CMIP: variants seen among roughly 807,000 people sequenced by gnomAD.
CMIP encodes c-Maf inducing protein.
A neutral mutation model predicts 97.3 loss-of-function variants in CMIP; 13 were observed. The observed-to-expected ratio is 0.13, with a 90% CI of 0.09 to 0.21. The LOEUF (loss-of-function observed/expected upper bound fraction) is 0.21, where lower values mean the gene tolerates loss of function less well. Ranked by LOEUF, CMIP falls within the 10% of genes least tolerant of loss-of-function variation. The pLI is 1.00. For missense variants in CMIP, 847 were observed against 1,024.9 expected, an observed-to-expected ratio of 0.83 and a Z score of 2.37; for synonymous variants, 538 against 436.3, an observed-to-expected ratio of 1.23 and a Z score of -2.91.
intron 1 of CMIP, among the ~76,000 whole-genome samples, chr16:81,489,312 G>C (rs1190927541): frequency 6.6e-6 from 1 of 152,182 alleles, no homozygotes; most frequent in African/African-American, 2.4e-5. Context: ...GAGTTGGTGG[G>C]TGAAGAGGGG....
intron 1 of CMIP, among the ~76,000 whole-genome samples, chr16:81,511,293 TA>T (rs1430760116): frequency 1.3e-5 from 2 of 152,242 alleles, no homozygotes; most frequent in Non-Finnish European, 2.9e-5. Flanking sequence ...CCTAAGAAAC[TA>T]ACAATAATTC....
At chr16:81,505,306 A>AAAAGGAGAGAACT (rs1006498434) in intron 1 of CMIP, among the ~76,000 whole-genome samples, 2 of 152,172 alleles carry the variant, frequency 1.3e-5, no homozygotes, top group African/African-American at 4.8e-5. Context: ...TGTGTTCTGA[A>AAAAGGAGAGAACT]AAAGGAGAGA....
chr16:81,503,542 A>G (rs910403611), intron 1 of CMIP, among the ~76,000 whole-genome samples: 9 of 152,114 alleles, frequency 5.9e-5, no homozygotes, highest in Admixed American at 2.0e-4. Flanking sequence ...GACCATAGAT[A>G]CATGCCACTG....
At chr16:81,529,983 A>G (rs974223348) in intron 1 of CMIP, among the ~76,000 whole-genome samples, 1 of 152,222 alleles carries the variant, frequency 6.6e-6, no homozygotes, top group Non-Finnish European at 1.5e-5. Flanking sequence ...GGGACATCTG[A>G]AAACCTTTGT....
intron 1 of CMIP, among the ~76,000 whole-genome samples, chr16:81,524,549 C>T (rs546596809): frequency 4.6e-5 from 7 of 152,324 alleles, no homozygotes; most frequent in Admixed American, 1.3e-4. Context: ...AAGCCAGGCA[C>T]GTCATCATTG....
At chr16:81,690,347 G>A (rs964266605) in intron 10 of CMIP, among the ~76,000 whole-genome samples, 24 of 152,152 alleles carry the variant, frequency 1.6e-4, no homozygotes, top group Admixed American at 5.2e-4. Flanking sequence ...GTGGTTTGTA[G>A]TTCTCCTTGA....
At chr16:81,457,620 C>T (rs1906635389) in intron 1 of CMIP, among the ~76,000 whole-genome samples, 1 of 152,218 alleles carries the variant, frequency 6.6e-6, no homozygotes, top group Non-Finnish European at 1.5e-5. Context: ...GGCCACATTA[C>T]CCCTGGTTGA....
chr16:81,471,148 T>G (rs928623902), intron 1 of CMIP, among the ~76,000 whole-genome samples: 1 of 152,194 alleles, frequency 6.6e-6, no homozygotes, highest in East Asian at 1.9e-4. Context: ...TGCATACATA[T>G]GTACATATAC....
intron 1 of CMIP, among the ~76,000 whole-genome samples, chr16:81,600,253 G>A (rs2091635275): frequency 6.9e-6 from 1 of 144,540 alleles, no homozygotes; most frequent in Admixed American, 7.0e-5. Flanking sequence ...TCCAGCCTAG[G>A]CGACAGAGTG....
intron 1 of CMIP, among the ~76,000 whole-genome samples, chr16:81,459,618 A>G (rs1906782124): frequency 6.6e-6 from 1 of 152,124 alleles, no homozygotes; most frequent in Non-Finnish European, 1.5e-5. Context: ...AGTCGCTTTT[A>G]TTTTCTAAAC....
At chr16:81,514,464 A>G (rs2089872750) in intron 1 of CMIP, among the ~76,000 whole-genome samples, 1 of 152,210 alleles carries the variant, frequency 6.6e-6, no homozygotes, top group Admixed American at 6.5e-5. Context: ...CTGGCTACTC[A>G]TTAGTCCATG....
At chr16:81,503,904 A>G (rs2089657584) in intron 1 of CMIP, among the ~76,000 whole-genome samples, 1 of 152,260 alleles carries the variant, frequency 6.6e-6, no homozygotes, top group South Asian at 2.1e-4. Context: ...CTGACATGTA[A>G]TGAGGGCGTG....
At chr16:81,593,961 T>C in intron 1 of CMIP, among the ~76,000 whole-genome samples, 1 of 136,910 alleles carries the variant, frequency 7.3e-6, no homozygotes, top group African/African-American at 2.7e-5. Context: ...CCCCCTACCA[T>C]ACCTTTCCTC....
At chr16:81,605,954 C>T (rs1327185075) in intron 1 of CMIP, among the ~76,000 whole-genome samples, 2 of 152,202 alleles carry the variant, frequency 1.3e-5, no homozygotes, top group Admixed American at 6.5e-5. Flanking sequence ...TTGAGCCTAG[C>T]AATTGATCAC....
intron 1 of CMIP, among the ~76,000 whole-genome samples, chr16:81,504,641 C>CAAAAAAAAAAAAAAAAAA (rs149715666): frequency 4.6e-4 from 33 of 71,930 alleles, no homozygotes; most frequent in Non-Finnish European, 6.1e-4. Context: ...AGACTCGTCT[C>CAAAAAAAAAAAAAAAAAA]AAAAAAAAAA....
At chr16:81,481,974 G>T (rs952864470) in intron 1 of CMIP, among the ~76,000 whole-genome samples, 1 of 151,778 alleles carries the variant, frequency 6.6e-6, no homozygotes, top group Non-Finnish European at 1.5e-5. Flanking sequence ...TGCCTCCCGG[G>T]TTCAGGTGAT....
chr16:81,708,090 G>C (rs552650770), intron 20 of CMIP, among the ~76,000 whole-genome samples: 1 of 152,326 alleles, frequency 6.6e-6, no homozygotes, highest in East Asian at 1.9e-4. Flanking sequence ...GTCCCCTTCC[G>C]GGGGATAGTC....
At chr16:81,567,679 G>C (rs1416427622) in intron 1 of CMIP, among the ~76,000 whole-genome samples, 3 of 152,190 alleles carry the variant, frequency 2.0e-5, no homozygotes, top group Non-Finnish European at 1.5e-5. Flanking sequence ...GCCGCCCTCA[G>C]GACCCTCCTG....
chr16:81,689,698 C>T (rs1276494790), intron 10 of CMIP, among the ~76,000 whole-genome samples: 1 of 152,132 alleles, frequency 6.6e-6, no homozygotes, highest in African/African-American at 2.4e-5. Context: ...GTTGCCATTG[C>T]TTTTGGTATT....
Sources: gnomAD v4.1 joint callset for allele counts (sites outside exome capture counted in the v4.1 genomes callset) on GRCh38, gnomAD v4.1.1 for gene constraint, MANE v1.5 for transcripts, NCBI Gene and HGNC (gene_info 2026-07-23, HGNC 2026-07-21) for gene names.